Variants in PPP6R3 observed in about 807,000 individuals in gnomAD.
PPP6R3 encodes serine/threonine-protein phosphatase 6 regulatory subunit 3.
PPP6R3 carries 38 observed loss-of-function variants against 110.7 expected under a neutral mutation model. The observed-to-expected ratio is 0.34, with a 90% CI of 0.26 to 0.45. PPP6R3 has a LOEUF of 0.45. Among genes scored for constraint, PPP6R3 ranks in the 20% least tolerant of loss-of-function variants. The pLI, the probability that PPP6R3 is intolerant of heterozygous loss-of-function variation, is 1.00. For missense variants in PPP6R3, 870 were observed against 1,062.4 expected (o/e 0.82, Z 2.52); for synonymous variants, 369 against 373.5 (o/e 0.99, Z 0.14).
chr11:68,542,389 G>GTTTTTTTTTTGTTTTTTTTGTTT (rs1555132282), intron 3 of PPP6R3, among the ~76,000 whole-genome samples: 1 of 40,188 alleles, frequency 2.5e-5, no homozygotes, highest in Non-Finnish European at 4.1e-5. Context: ...AGAAGCTGCT[G>GTTTTTTTTTTGTTTTTTTTGTTT]TTTTTTTTTT....
rs775309553 is a variant in PPP6R3, at chr11:68,596,211, G to A, written c.2031G>A (p.Leu677=). The part of the protein sequence containing the change: ...ANTEDKMEVD[L]SEPPNWSANF... ...CGGAGGATAAAATGGAGGTGGACCT[G>A]AGTGAACGTAAGTGGATTCATTCTT... is the stretch of plus-strand genomic sequence containing the variant. Residue 677 remains leucine (L), a synonymous_variant, in exon 19 of 24, where the codon CTG becomes CTA. Coordinates refer to ENST00000393800, the MANE Select transcript of PPP6R3 (RefSeq NM_001164161.2). 2 of 1,614,198 alleles carry A rather than the reference G, an allele frequency of 1.2e-6. No individual in the cohort carries two copies. The highest frequency in any genetic ancestry group is 2.2e-5 in the East Asian group (1 of 44,886).
chr11:68,566,900 G>A, intron 9 of PPP6R3, 114 bp from the exon 10 acceptor site: 1 of 807,520 alleles, frequency 1.2e-6, no homozygotes, highest in Non-Finnish European at 1.8e-6. Flanking sequence ...TGTTTCAGGT[G>A]TAAAATTCAG....
chr11:68,478,869 G>A (rs566280664), intron 1 of PPP6R3, among the ~76,000 whole-genome samples: 7 of 151,886 alleles, frequency 4.6e-5, no homozygotes, highest in African/African-American at 1.7e-4. Flanking sequence ...TGTTGGCCAG[G>A]ATGGTCTCCA....
intron 1 of PPP6R3, among the ~76,000 whole-genome samples, chr11:68,493,234 G>T (rs114756034): frequency 0.01 from 1,552 of 152,090 alleles, 10 homozygotes; most frequent in African/African-American, 0.012. Context: ...CAGTTTCCTC[G>T]CTTACATATG....
intron 1 of PPP6R3, among the ~76,000 whole-genome samples, chr11:68,499,028 T>A (rs1271049891): frequency 1.3e-5 from 2 of 152,238 alleles, no homozygotes; most frequent in Non-Finnish European, 2.9e-5. Flanking sequence ...TAGGGCAATT[T>A]TAATTTACAG....
At chr11:68,610,147 G>A (rs940692102) in intron 23 of PPP6R3, 124 bp downstream of exon 23, 119 of 1,315,036 alleles carry the variant, frequency 9.0e-5, no homozygotes, top group Middle Eastern at 1.9e-4. Flanking sequence ...CCGCTGACCT[G>A]GCAGGACAGG....
chr11:68,614,431 A>G lies in PPP6R3; in HGVS notation c.*1314A>G, dbSNP rs956205370. ...TGCAAATCAGTTTTTCATTTCTGTA[A>G]TAGAAAATTATTCACGTATTTTTAC... On this transcript the variant is annotated 3_prime_UTR_variant, in exon 24 of 24. Coordinates refer to ENST00000393800, the MANE Select transcript of PPP6R3 (RefSeq NM_001164161.2). The G allele has an allele frequency of 2.3e-6, 3 of 1,330,596 alleles. No homozygotes were observed. The highest frequency in any genetic ancestry group is 2.9e-6 in the Non-Finnish European group (3 of 1,044,448). The allele number at this position is 1,330,596 out of a possible 1,614,324, so 82.4% of individuals were successfully genotyped here.
chr11:68,547,988 G>A, intron 4 of PPP6R3, 79 bp from the exon 5 acceptor site: 1 of 1,401,184 alleles, frequency 7.1e-7, no homozygotes. Flanking sequence ...ATTTGGAGGA[G>A]TCGGGGTTGG....
chr11:68,499,718 G>A (rs1162188105), intron 1 of PPP6R3, among the ~76,000 whole-genome samples: 1 of 152,012 alleles, frequency 6.6e-6, no homozygotes, highest in Non-Finnish European at 1.5e-5. Context: ...GCCCACAGTT[G>A]CGCGCACCAC....
chr11:68,474,612 CTT>C (rs1241177902), intron 1 of PPP6R3, among the ~76,000 whole-genome samples: 2 of 152,134 alleles, frequency 1.3e-5, no homozygotes, highest in Non-Finnish European at 2.9e-5. Context: ...TCATTTGTCT[CTT>C]GAGAGTTTAT....
chr11:68,480,473 A>G (rs1003858806), intron 1 of PPP6R3, among the ~76,000 whole-genome samples: 2 of 152,254 alleles, frequency 1.3e-5, no homozygotes, highest in African/African-American at 4.8e-5. Context: ...CTTAGCATCC[A>G]GTGAAACAAA....
chr11:68,560,519 T>C (rs1159677247), intron 8 of PPP6R3, among the ~76,000 whole-genome samples: 1 of 152,168 alleles, frequency 6.6e-6, no homozygotes, highest in African/African-American at 2.4e-5. Context: ...AAGAAATAGG[T>C]AGCATGAGCA....
rs748376581 is a variant in PPP6R3, at chr11:68,508,121, C to CTTTTTTTTTTTTT, written c.-157-11367_-157-11355dup. Among the ~76,000 whole-genome samples the CTTTTTTTTTTTTT allele has an allele frequency of 1.8e-3, 141 of 77,620 alleles. 9 individuals are homozygous for CTTTTTTTTTTTTT. The highest frequency in any genetic ancestry group is 7.9e-3 in the African/African-American group (130 of 16,440). 50.9% of individuals were successfully genotyped at this position (77,620 alleles called of 152,430 possible). A position where few individuals can be genotyped will look rare whatever the true frequency, so the allele number is the denominator to read the frequency against. ...CCCCGGCCTAAGTGAGTTTTTTGGC[C>CTTTTTTTTTTTTT]TTTTTTTTTTTTTTTTTTTTTTTTT... On this transcript the variant is annotated intron_variant, in intron 1 of 23. Coordinates refer to ENST00000393800, the MANE Select transcript of PPP6R3 (RefSeq NM_001164161.2).
At chr11:68,484,350 C>T (rs2098933089) in intron 1 of PPP6R3, among the ~76,000 whole-genome samples, 1 of 152,082 alleles carries the variant, frequency 6.6e-6, no homozygotes, top group Non-Finnish European at 1.5e-5. Context: ...GTTCCTCTTG[C>T]CCCACATTGT....
At chr11:68,505,463 T>C (rs1565475147) in intron 1 of PPP6R3, among the ~76,000 whole-genome samples, 1 of 151,982 alleles carries the variant, frequency 6.6e-6, no homozygotes, top group Non-Finnish European at 1.5e-5. Context: ...TGTGCCTAGA[T>C]TTTTAAAAAT....
chr11:68,595,995 A>G, intron 18 of PPP6R3, 102 bp from the exon 19 acceptor site: 1 of 1,432,432 alleles, frequency 7.0e-7, no homozygotes. Flanking sequence ...ATCCTGCTGA[A>G]GCACCACAGG....
intron 1 of PPP6R3, among the ~76,000 whole-genome samples, chr11:68,466,779 AT>A (rs1049096680): frequency 4.6e-5 from 7 of 151,902 alleles, no homozygotes; most frequent in African/African-American, 7.3e-5. Flanking sequence ...CGCCCGGCTA[AT>A]TTTTTTTGTA....
intron 2 of PPP6R3, among the ~76,000 whole-genome samples, chr11:68,520,517 A>G (rs547419848): frequency 4.7e-4 from 71 of 152,308 alleles, no homozygotes; most frequent in African/African-American, 1.4e-3. Flanking sequence ...GATGTTTCCT[A>G]GGCATCTGAA....
intron 2 of PPP6R3, among the ~76,000 whole-genome samples, chr11:68,535,080 C>A (rs1250814021): frequency 4.6e-5 from 7 of 152,288 alleles, no homozygotes; most frequent in African/African-American, 1.7e-4. Context: ...ATCCACTGAC[C>A]TTTTCCCCAA....
Sources: gnomAD v4.1 joint callset for allele counts (sites outside exome capture counted in the v4.1 genomes callset) on GRCh38, gnomAD v4.1.1 for gene constraint, MANE v1.5 for transcripts, NCBI Gene and HGNC (gene_info 2026-07-23, HGNC 2026-07-21) for gene names.